PPARGC1A: variants seen among roughly 807,000 people sequenced by gnomAD.
PPARGC1A encodes peroxisome proliferator-activated receptor gamma coactivator 1-alpha.
A neutral mutation model predicts 88.7 loss-of-function variants in PPARGC1A; 25 were observed. That is an observed-to-expected ratio of 0.28 (90% CI 0.21 to 0.39). PPARGC1A has a LOEUF of 0.39. Ranked by LOEUF, PPARGC1A falls within the 10% of genes least tolerant of loss-of-function variation. The pLI, the probability that PPARGC1A is intolerant of heterozygous loss-of-function variation, is 1.00. For missense variants in PPARGC1A, 880 were observed against 968.7 expected, an observed-to-expected ratio of 0.91 and a Z score of 1.22; for synonymous variants, 363 against 355.6, an observed-to-expected ratio of 1.02 and a Z score of -0.24.
At chr4:24,053,294 C>T in the PPARGC1A span, among the ~76,000 whole-genome samples, 77,434 of 151,870 alleles carry the variant, frequency 0.51, 21,768 homozygotes, top group Non-Finnish European at 0.64. Flanking sequence ...GAATTCAAAT[C>T]AAATAGAGAT....
intron 2 of PPARGC1A, among the ~76,000 whole-genome samples, chr4:23,864,384 C>T (rs1436151412): frequency 2.0e-5 from 3 of 152,218 alleles, no homozygotes; most frequent in Non-Finnish European, 4.4e-5. Context: ...CTGTAATTAT[C>T]ATGGTTTCCG....
At chr4:24,029,032 C>A in the PPARGC1A span, among the ~76,000 whole-genome samples, 1 of 152,128 alleles carries the variant, frequency 6.6e-6, no homozygotes, top group Non-Finnish European at 1.5e-5. Flanking sequence ...AGATTAGATG[C>A]TTACATGTTA....
At chr4:23,929,605 C>A in the PPARGC1A span, among the ~76,000 whole-genome samples, 1 of 152,192 alleles carries the variant, frequency 6.6e-6, no homozygotes, top group East Asian at 1.9e-4. Flanking sequence ...CCATGGCAGG[C>A]ACTTTACTGA....
At chr4:23,999,296 T>C in the PPARGC1A span, among the ~76,000 whole-genome samples, 1 of 152,164 alleles carries the variant, frequency 6.6e-6, no homozygotes, top group Non-Finnish European at 1.5e-5. Context: ...TCCCCCAGAG[T>C]TGCCAGCAAG....
chr4:24,276,697 A>T, the PPARGC1A span, among the ~76,000 whole-genome samples: 1 of 152,224 alleles, frequency 6.6e-6, no homozygotes, highest in Non-Finnish European at 1.5e-5. Flanking sequence ...CTCCAAAGGT[A>T]GGAAAATTAA....
intron 1 of PPARGC1A, among the ~76,000 whole-genome samples, chr4:23,887,350 C>A (rs1041268057): frequency 1.8e-4 from 27 of 152,168 alleles, no homozygotes; most frequent in Non-Finnish European, 3.8e-4. Context: ...AGCAAGTGTT[C>A]CTGTTATTAA....
intron 2 of PPARGC1A, among the ~76,000 whole-genome samples, chr4:23,844,786 AATAAT>A (rs1200601109): frequency 4.8e-5 from 1 of 20,682 alleles, no homozygotes; most frequent in Non-Finnish European, 7.8e-5. Context: ...TATATATTAT[AATAAT>A]ATATGATATA....
At chr4:24,061,291 G>A in the PPARGC1A span, among the ~76,000 whole-genome samples, 1 of 152,200 alleles carries the variant, frequency 6.6e-6, no homozygotes, top group Non-Finnish European at 1.5e-5. Context: ...TTGGCTAGGA[G>A]TCAGTTTTGG....
the PPARGC1A span, among the ~76,000 whole-genome samples, chr4:23,962,159 G>T: frequency 6.6e-6 from 1 of 151,898 alleles, no homozygotes; most frequent in Middle Eastern, 3.4e-3. Flanking sequence ...AGTAGAAATA[G>T]CAAGGGGACA....
chr4:23,837,389 GAA>G (rs5856796), intron 2 of PPARGC1A, among the ~76,000 whole-genome samples: 21,925 of 144,068 alleles, frequency 0.15, 1,719 homozygotes, highest in African/African-American at 0.21. Flanking sequence ...ATGATTAATA[GAA>G]AAAAAAAAAA....
At chr4:24,109,022 CACA>C in the PPARGC1A span, among the ~76,000 whole-genome samples, 1 of 140,906 alleles carries the variant, frequency 7.1e-6, no homozygotes, top group African/African-American at 2.8e-5. Context: ...ACACACACCA[CACA>C]CACACACACA....
At chr4:24,343,948 C>T in the PPARGC1A span, among the ~76,000 whole-genome samples, 26 of 149,142 alleles carry the variant, frequency 1.7e-4, no homozygotes, top group African/African-American at 5.2e-4. Context: ...TATGCCTTTG[C>T]GTCCTCATAG....
chr4:24,359,689 A>G, the PPARGC1A span, among the ~76,000 whole-genome samples: 8 of 152,208 alleles, frequency 5.3e-5, no homozygotes, highest in African/African-American at 1.9e-4. Flanking sequence ...GAAGAGGGAA[A>G]TTTGGATACA....
At chr4:24,460,430 C>T in the PPARGC1A span, among the ~76,000 whole-genome samples, 1 of 151,952 alleles carries the variant, frequency 6.6e-6, no homozygotes, top group Non-Finnish European at 1.5e-5. Flanking sequence ...TGAATATGGC[C>T]AAAATTCTGG....
rs777250372 is a variant in PPARGC1A, at chr4:23,813,137, G to A, written c.1794-12C>T. 112 of 1,611,790 alleles carry A rather than the reference G, an allele frequency of 6.9e-5. No individual in the cohort carries two copies. Among genetic ancestry groups the A allele is most frequent in the Non-Finnish European group, 8.7e-5 (102 of 1,178,984 alleles). ...AGTAATAGCAGGATCTGCGCCAGAGGAGAAAAGCAAAAAGGGCATTTGCAA... is the reference window on the plus strand; with the variant it reads ...AGTAATAGCAGGATCTGCGCCAGAGAAGAAAAGCAAAAAGGGCATTTGCAA... On this transcript the variant is annotated splice_polypyrimidine_tract_variant and intron_variant, in intron 8 of 12. Transcript: ENST00000264867.
At chr4:23,968,592 C>T in the PPARGC1A span, among the ~76,000 whole-genome samples, 1 of 152,166 alleles carries the variant, frequency 6.6e-6, no homozygotes, top group African/African-American at 2.4e-5. Context: ...ATGACAGTAA[C>T]TTATTCTTAA....
the PPARGC1A span, among the ~76,000 whole-genome samples, chr4:24,472,816 G>GAGCGAGAGACCGCAGGGGA: frequency 6.6e-6 from 1 of 151,450 alleles, no homozygotes; most frequent in East Asian, 2.0e-4. The surrounding 1 kb of genome is among the most constrained non-coding windows in gnomAD (Gnocchi z 4.5). Context: ...TGTGCGCGCA[G>GAGCGAGAGACCGCAGGGGA]AGCGAGAGAC....
chr4:24,015,323 A>G, the PPARGC1A span, among the ~76,000 whole-genome samples: 4 of 152,104 alleles, frequency 2.6e-5, no homozygotes, highest in Non-Finnish European at 5.9e-5. Flanking sequence ...GAGGTCTCTA[A>G]GTCTTTCTAA....
the PPARGC1A span, among the ~76,000 whole-genome samples, chr4:24,112,234 G>C: frequency 6.6e-6 from 1 of 152,186 alleles, no homozygotes. Context: ...GGGAATGGTA[G>C]TGATTGTGGC....
Sources: gnomAD v4.1 joint callset for allele counts (sites outside exome capture counted in the v4.1 genomes callset) on GRCh38, gnomAD v4.1.1 for gene constraint, Gnocchi (gnomAD v3.1) non-coding constraint, MANE v1.5 for transcripts, NCBI Gene and HGNC (gene_info 2026-07-23, HGNC 2026-07-21) for gene names.